AFG2A: variants seen among roughly 807,000 people sequenced by gnomAD.
The protein encoded by AFG2A is AAA ATPase AFG2A.
the AFG2A span, among the ~76,000 whole-genome samples, chr4:123,298,098 T>C: frequency 0.019 from 1,932 of 103,792 alleles, 48 homozygotes; most frequent in African/African-American, 0.056. Flanking sequence ...CACACATGCA[T>C]GCGTGCATAC....
At chr4:123,271,989 A>T in the AFG2A span, among the ~76,000 whole-genome samples, 1 of 152,110 alleles carries the variant, frequency 6.6e-6, no homozygotes, top group South Asian at 2.1e-4. Context: ...ACTTGCTAAG[A>T]CTTGAAACAT....
chr4:122,941,475 A>T, the AFG2A span, among the ~76,000 whole-genome samples: 2 of 152,230 alleles, frequency 1.3e-5, no homozygotes, highest in Non-Finnish European at 2.9e-5. Flanking sequence ...ATTTTTGTAC[A>T]TTGATTTTGT....
chr4:123,269,793 T>G, the AFG2A span, among the ~76,000 whole-genome samples: 2 of 152,174 alleles, frequency 1.3e-5, no homozygotes, highest in Non-Finnish European at 2.9e-5. Context: ...GTCACCTTTG[T>G]AAAAGAAGCT....
At chr4:123,223,901 T>G in the AFG2A span, among the ~76,000 whole-genome samples, 1 of 152,228 alleles carries the variant, frequency 6.6e-6, no homozygotes, top group Non-Finnish European at 1.5e-5. Flanking sequence ...TTCCTTTGCC[T>G]TGCAGAAACT....
the AFG2A span, among the ~76,000 whole-genome samples, chr4:123,088,874 A>G: frequency 6.6e-6 from 1 of 152,200 alleles, no homozygotes; most frequent in African/African-American, 2.4e-5. Flanking sequence ...ACCCAGTCTC[A>G]GTAGTTCTTT....
At chr4:123,155,221 A>T in the AFG2A span, among the ~76,000 whole-genome samples, 1 of 152,052 alleles carries the variant, frequency 6.6e-6, no homozygotes, top group South Asian at 2.1e-4. Flanking sequence ...AGTAGCGTGG[A>T]CTACAGGTGC....
At chr4:123,012,245 C>T in the AFG2A span, among the ~76,000 whole-genome samples, 5 of 130,784 alleles carry the variant, frequency 3.8e-5, no homozygotes, top group African/African-American at 1.2e-4. Flanking sequence ...GTGCTTGCCC[C>T]CCAGGAAAGT....
chr4:123,054,631 TGGTGTGAACCCAGGAGGC>T, the AFG2A span, among the ~76,000 whole-genome samples: 1 of 151,810 alleles, frequency 6.6e-6, no homozygotes, highest in Non-Finnish European at 1.5e-5. Context: ...GGCAGGAGAA[TGGTGTGAACCCAGGAGGC>T]GGAGCTTGCA....
chr4:122,983,245 A>C, the AFG2A span, among the ~76,000 whole-genome samples: 1 of 151,980 alleles, frequency 6.6e-6, no homozygotes, highest in Non-Finnish European at 1.5e-5. Context: ...AAAACAACTA[A>C]TGTTGATCTT....
At chr4:123,213,636 A>G in the AFG2A span, among the ~76,000 whole-genome samples, 6 of 152,156 alleles carry the variant, frequency 3.9e-5, no homozygotes, top group Admixed American at 3.9e-4. Flanking sequence ...GGGAAAAAAC[A>G]TTTTGTACTC....
chr4:122,967,228 C>T, the AFG2A span, among the ~76,000 whole-genome samples: 1 of 152,058 alleles, frequency 6.6e-6, no homozygotes, highest in Non-Finnish European at 1.5e-5. Flanking sequence ...TGTAGCAAGG[C>T]TCTGTCTCTA....
the AFG2A span, chr4:122,933,361 A>G: frequency 9.2e-7 from 1 of 1,088,364 alleles, no homozygotes; most frequent in Admixed American, 2.1e-5. Flanking sequence ...TTATAACCAT[A>G]TACATGTAAT....
the AFG2A span, among the ~76,000 whole-genome samples, chr4:122,962,721 T>A: frequency 4.6e-5 from 7 of 152,230 alleles, no homozygotes; most frequent in African/African-American, 1.4e-4. Flanking sequence ...TAAAAGTTAT[T>A]TCTGAGAGTT....
At chr4:122,933,497 GGT>G in the AFG2A span, 1 of 1,608,590 alleles carries the variant, frequency 6.2e-7, no homozygotes, top group East Asian at 2.2e-5. Flanking sequence ...GAGAAAACTA[GGT>G]GAGACAAATA....
the AFG2A span, among the ~76,000 whole-genome samples, chr4:123,172,907 A>G: frequency 4.6e-5 from 7 of 152,210 alleles, no homozygotes; most frequent in African/African-American, 1.7e-4. Context: ...GAAGAATCTC[A>G]TCTGTATTAA....
chr4:123,017,949 A>G, the AFG2A span, among the ~76,000 whole-genome samples: 1 of 152,192 alleles, frequency 6.6e-6, no homozygotes, highest in Admixed American at 6.5e-5. Flanking sequence ...TTCCTCTCTC[A>G]TAGTAATTTT....
chr4:122,934,430 G>C, the AFG2A span: 9 of 1,614,232 alleles, frequency 5.6e-6, no homozygotes, highest in Non-Finnish European at 7.6e-6. Context: ...GATGGCAGTG[G>C]ACTTATGCTA....
At chr4:123,068,510 A>G in the AFG2A span, among the ~76,000 whole-genome samples, 1 of 152,216 alleles carries the variant, frequency 6.6e-6, no homozygotes, top group Admixed American at 6.5e-5. Context: ...ATTTCTAAAT[A>G]TGAATATTTT....
chr4:123,032,880 G>C, the AFG2A span, among the ~76,000 whole-genome samples: 1 of 152,326 alleles, frequency 6.6e-6, no homozygotes, highest in East Asian at 1.9e-4. Context: ...CCAACTGTAG[G>C]CCAGTGTAAG....
Sources: allele counts gnomAD v4.1 joint callset (sites outside exome capture counted in the v4.1 genomes callset), GRCh38; gene constraint gnomAD v4.1.1; transcripts MANE v1.5; gene names NCBI Gene and HGNC (gene_info 2026-07-23, HGNC 2026-07-21).